PTPRG: variants seen among roughly 807,000 people sequenced by gnomAD.
The protein encoded by PTPRG is receptor-type tyrosine-protein phosphatase gamma.
In PTPRG, 102 loss-of-function variants were observed where a neutral mutation model predicts 165.3. The ratio of observed to expected loss-of-function variants is 0.62; its 90% CI spans 0.53 to 0.73. PTPRG has a LOEUF of 0.73. Ranked by LOEUF, PTPRG falls within the 30% of genes least tolerant of loss-of-function variation. The pLI, the probability that PTPRG is intolerant of heterozygous loss-of-function variation, is 0.00. For missense variants in PTPRG, 1,866 were observed against 1,861.4 expected, an observed-to-expected ratio of 1.00 and a Z score of -0.05; for synonymous variants, 675 against 669.5, an observed-to-expected ratio of 1.01 and a Z score of -0.13.
At chr3:62,050,266 A>G (rs1700429296) in intron 4 of PTPRG, among the ~76,000 whole-genome samples, 1 of 152,208 alleles carries the variant, frequency 6.6e-6, no homozygotes, top group African/African-American at 2.4e-5. Context: ...CTGTATTTTT[A>G]CTGTACCTGT....
At chr3:62,124,634 G>A (rs935946353) in intron 5 of PTPRG, 5 of 709,078 alleles carry the variant, frequency 7.1e-6, no homozygotes, top group South Asian at 5.7e-5. Context: ...AGGTGAGACC[G>A]GGAGGGAGCT....
chr3:61,694,062 AG>A (rs1335197254), intron 1 of PTPRG, among the ~76,000 whole-genome samples: 1 of 151,718 alleles, frequency 6.6e-6, no homozygotes, highest in Non-Finnish European at 1.5e-5. Context: ...GGCTTTAAAA[AG>A]TAGGTGATGT....
At chr3:61,685,254 C>T (rs542926482) in intron 1 of PTPRG, among the ~76,000 whole-genome samples, 2 of 152,298 alleles carry the variant, frequency 1.3e-5, no homozygotes, top group South Asian at 2.1e-4. Context: ...TGCAAACAGG[C>T]GCACTGATGG....
intron 1 of PTPRG, among the ~76,000 whole-genome samples, chr3:61,670,957 T>TA (rs1702962953): frequency 6.6e-6 from 1 of 152,006 alleles, no homozygotes; most frequent in South Asian, 2.1e-4. Flanking sequence ...GCGATCAGGT[T>TA]AGGTGAGGCC....
At chr3:61,880,391 A>C (rs1389646925) in intron 2 of PTPRG, among the ~76,000 whole-genome samples, 2 of 152,300 alleles carry the variant, frequency 1.3e-5, no homozygotes, top group East Asian at 3.9e-4. Flanking sequence ...AGACCAAGGC[A>C]AGTGGATTGC....
intron 1 of PTPRG, among the ~76,000 whole-genome samples, chr3:61,609,815 G>T (rs1322618952): frequency 1.3e-5 from 2 of 152,022 alleles, no homozygotes; most frequent in East Asian, 3.9e-4. Flanking sequence ...CTGCACTCTA[G>T]CCTGGGCAAC....
rs1701447069 is a variant in PTPRG, at chr3:62,252,520, TCAGA to T, written c.2468-2601_2468-2598del. 6.6e-6 allele frequency among the ~76,000 whole-genome samples: 1 copy of T among 152,182 alleles called. No homozygotes were observed. The highest frequency in any genetic ancestry group is 2.4e-5 in the African/African-American group (1 of 41,442). On this transcript the variant is annotated intron_variant, in intron 15 of 29. Coordinates refer to ENST00000474889, the MANE Select transcript of PTPRG (RefSeq NM_002841.4). This position sits in a 1 kb window ranked among gnomAD's most constrained non-coding sequence, Gnocchi z 4.6. Reference sequence around the variant, plus strand: ...TATTCCCTTCAATCTTTAATGAAACTCAGACATTTAGGTGGAGATAGCATGTTTT... The same window carrying T: ...TATTCCCTTCAATCTTTAATGAAACTCATTTAGGTGGAGATAGCATGTTTT...
intron 2 of PTPRG, among the ~76,000 whole-genome samples, chr3:61,797,584 CCCCCCCA>C (rs1394591554): frequency 4.0e-5 from 3 of 74,556 alleles, no homozygotes; most frequent in African/African-American, 3.0e-4. Context: ...TCTCCACACC[CCCCCCCA>C]CCCCCCCACC....
chr3:61,997,814 G>A (rs1403847426), intron 3 of PTPRG, among the ~76,000 whole-genome samples: 1 of 152,202 alleles, frequency 6.6e-6, no homozygotes, highest in Non-Finnish European at 1.5e-5. Flanking sequence ...TGGAAGGCTG[G>A]AACTAGAGCC....
At chr3:61,952,401 T>G (rs908820355) in intron 2 of PTPRG, among the ~76,000 whole-genome samples, 4 of 152,314 alleles carry the variant, frequency 2.6e-5, no homozygotes, top group African/African-American at 9.6e-5. Flanking sequence ...TGAACCACTG[T>G]CATTCATTAA....
At chr3:61,987,147 CTAATGACA>C (rs746125316) in intron 2 of PTPRG, among the ~76,000 whole-genome samples, 1 of 152,142 alleles carries the variant, frequency 6.6e-6, no homozygotes, top group Non-Finnish European at 1.5e-5. Flanking sequence ...ATTTCCTCTG[CTAATGACA>C]TAGGGGTTTT....
intron 2 of PTPRG, 133 bp downstream of exon 2, chr3:61,749,115 G>T: frequency 1.3e-6 from 1 of 792,388 alleles, no homozygotes. Flanking sequence ...ACTAAAAGTT[G>T]AAATATTCGA....
chr3:62,264,313 C>CAA (rs573498193), intron 17 of PTPRG, among the ~76,000 whole-genome samples: 1 of 139,118 alleles, frequency 7.2e-6, no homozygotes, highest in Non-Finnish European at 1.6e-5. Context: ...ACCTTGTCTC[C>CAA]AAAAAAAAAA....
intron 5 of PTPRG, among the ~76,000 whole-genome samples, chr3:62,130,618 C>G (rs1289334389): frequency 1.3e-5 from 2 of 152,166 alleles, no homozygotes; most frequent in East Asian, 1.9e-4. Flanking sequence ...GAATCATTCT[C>G]TGGGATCCTT....
In PTPRG at chr3:62,195,310, C is replaced by A. The variant is rs771002508; in HGVS notation, c.1327+140C>A. 2.5e-5 allele frequency: 18 copies of A among 724,546 alleles called. No homozygotes were observed. The African/African-American group carries it at 3.2e-4, about 13-fold the overall frequency. The allele number at this position is 724,546 out of a possible 1,614,324, so 44.9% of individuals were successfully genotyped here. ...TCAGTGTAGGGTTTTAAAGCCTATG[C>A]GGGAAGCCCTAGTAATTTAGGTCTT... On this transcript the variant is annotated intron_variant, in intron 10 of 29. Transcript: ENST00000474889. The surrounding 1 kb of genome is among the most constrained non-coding windows in gnomAD (Gnocchi z 4.4).
rs1406724277 is a variant in PTPRG, at chr3:61,941,461, A to G, written c.191-48164A>G. Among the ~76,000 whole-genome samples the G allele has an allele frequency of 2.0e-5, 3 of 152,068 alleles. No individual in the cohort carries two copies. The East Asian group carries it at 5.8e-4, about 30-fold the overall frequency. On this transcript the variant is annotated intron_variant, in intron 2 of 29. Coordinates refer to ENST00000474889, the MANE Select transcript of PTPRG (RefSeq NM_002841.4). ...AACATGATGAAACCCCGTCTCTACT[A>G]AAATACAAAAAATTAGCCGGGCATG... is the stretch of plus-strand genomic sequence containing the variant.
chr3:62,171,727 T>A (rs1294286857), intron 8 of PTPRG, among the ~76,000 whole-genome samples: 3 of 152,188 alleles, frequency 2.0e-5, no homozygotes, highest in Admixed American at 2.0e-4. Flanking sequence ...AACAGCTTTA[T>A]TGAGATTTAA....
At chr3:62,060,535 C>A (rs1031235021) in intron 4 of PTPRG, among the ~76,000 whole-genome samples, 1 of 152,226 alleles carries the variant, frequency 6.6e-6, no homozygotes, top group East Asian at 1.9e-4. Flanking sequence ...AGATCACTCA[C>A]AGTTGCACTT....
At chr3:62,006,687 T>TC (rs1559742328) in intron 4 of PTPRG, among the ~76,000 whole-genome samples, 1 of 152,044 alleles carries the variant, frequency 6.6e-6, no homozygotes, top group African/African-American at 2.4e-5. Flanking sequence ...GGTCAGCATC[T>TC]CCCCCCTGCA....
Sources: gnomAD v4.1 joint callset for allele counts (sites outside exome capture counted in the v4.1 genomes callset) on GRCh38, gnomAD v4.1.1 for gene constraint, Gnocchi (gnomAD v3.1) non-coding constraint, MANE v1.5 for transcripts, NCBI Gene and HGNC (gene_info 2026-07-23, HGNC 2026-07-21) for gene names.